The following LRP6 variants were observed in gnomAD, a reference collection of about 807,000 sequenced individuals.
LRP6 encodes the protein low-density lipoprotein receptor-related protein 6.
A neutral mutation model predicts 184.1 loss-of-function variants in LRP6; 43 were observed. The observed-to-expected ratio is 0.23, with a 90% CI of 0.18 to 0.30. LRP6 has a LOEUF of 0.30. Ranked by LOEUF, LRP6 falls within the 10% of genes least tolerant of loss-of-function variation. LRP6 has a pLI of 1.00. For synonymous variants in LRP6, 719 were observed against 684.9 expected, an observed-to-expected ratio of 1.05 and a Z score of -0.78; for missense variants, 1,571 against 2,005.3, an observed-to-expected ratio of 0.78 and a Z score of 4.14.
chr12:12,151,410 G>T lies in LRP6; in HGVS notation c.2792-372C>A, dbSNP rs546641220. Among the ~76,000 whole-genome samples, 11 of 151,594 alleles carry T rather than the reference G, an allele frequency of 7.3e-5. 1 individual carries two copies. In the South Asian group the frequency reaches 2.1e-3, roughly 29 times the overall value. On this transcript the variant is annotated intron_variant, in intron 12 of 22. Transcript: ENST00000261349. ...TGTCTGGTGGGTGGCAGGAAGCCTG[G>T]GCTTTTATAAATTAAAGCAGAAACT...
chr12:12,168,095 C>T (rs1042311083), intron 7 of LRP6, among the ~76,000 whole-genome samples: 2 of 152,090 alleles, frequency 1.3e-5, no homozygotes, highest in African/African-American at 4.8e-5. Context: ...TACACTTTTG[C>T]TGCTCTGCCA....
intron 1 of LRP6, chr12:12,249,285 G>A: frequency 9.2e-7 from 1 of 1,087,344 alleles, no homozygotes; most frequent in Non-Finnish European, 1.4e-6. Context: ...CTAATGGATT[G>A]GTGGACCCAA....
chr12:12,232,502 G>A (rs1864817606), intron 2 of LRP6, among the ~76,000 whole-genome samples: 1 of 150,728 alleles, frequency 6.6e-6, no homozygotes, highest in Non-Finnish European at 1.5e-5. Flanking sequence ...CTCAAGGACA[G>A]CCTCTCTGAA....
chr12:12,180,763 T>C (rs1021648754), intron 6 of LRP6, among the ~76,000 whole-genome samples: 3 of 152,014 alleles, frequency 2.0e-5, no homozygotes, highest in Non-Finnish European at 2.9e-5. Context: ...ACATTTTTCA[T>C]GGTAATGATG....
At position 12,120,723 on chromosome 12, in the gene LRP6, G is replaced by C. The variant is rs115493282; in HGVS notation, c.*403C>G. 3.3e-3 allele frequency: 510 copies of C among 156,346 alleles called. 3 individuals carry two copies. The highest frequency in any genetic ancestry group is 0.012 in the African/African-American group (480 of 41,604). The allele number at this position is 156,346 out of a possible 1,614,324, so 9.7% of individuals were successfully genotyped here. A position where few individuals can be genotyped will look rare whatever the true frequency, so the allele number is the denominator to read the frequency against. On this transcript the variant is annotated 3_prime_UTR_variant, in exon 23 of 23. Coordinates refer to ENST00000261349, the MANE Select transcript of LRP6 (RefSeq NM_002336.3). ...ATCTATGGTTTGCTGCTCTGAGATG[G>C]ACTTAATTTTTCTTCTTCCTCTTTT...
At chr12:12,242,236 G>A (rs1302340972) in intron 2 of LRP6, among the ~76,000 whole-genome samples, 1 of 152,020 alleles carries the variant, frequency 6.6e-6, no homozygotes, top group Non-Finnish European at 1.5e-5. Context: ...GTTACATAAT[G>A]CAAATAAACA....
rs1476810955 is a variant in LRP6, at chr12:12,119,767, C to T, written c.*1359G>A. The T allele has an allele frequency of 6.6e-6, 1 of 151,696 alleles. No homozygotes were observed. The highest frequency in any genetic ancestry group is 1.5e-5 in the Non-Finnish European group (1 of 67,944). The allele number at this position is 151,696 out of a possible 1,614,324, so 9.4% of individuals were successfully genotyped here. A position where few individuals can be genotyped will look rare whatever the true frequency, so the allele number is the denominator to read the frequency against. ...AATTTGTGGATAATTTGAAAACAGC[C>T]TAACATTCACAGTGGGTAACAGAAA... On this transcript the variant is annotated 3_prime_UTR_variant, in exon 23 of 23. Transcript: ENST00000261349.
At chr12:12,170,906 GGTTA>G (rs1402883557) in intron 7 of LRP6, among the ~76,000 whole-genome samples, 2 of 151,742 alleles carry the variant, frequency 1.3e-5, no homozygotes, top group Admixed American at 6.6e-5. Flanking sequence ...CTAGCTAAGA[GGTTA>G]GTTAGAAGGA....
chr12:12,194,327 T>C (rs1459060263), intron 3 of LRP6, among the ~76,000 whole-genome samples: 7 of 152,100 alleles, frequency 4.6e-5, no homozygotes, highest in African/African-American at 1.2e-4. Context: ...CAAGTTACTA[T>C]AAGGCAAACA....
intron 16 of LRP6, among the ~76,000 whole-genome samples, chr12:12,137,774 T>C (rs1949865267): frequency 6.6e-6 from 1 of 152,120 alleles, no homozygotes. Context: ...ATATTCTTTT[T>C]TAACAGGCAA....
At chr12:12,163,993 C>T (rs1293159575) in intron 9 of LRP6, among the ~76,000 whole-genome samples, 2 of 151,932 alleles carry the variant, frequency 1.3e-5, no homozygotes, top group East Asian at 1.9e-4. Context: ...AGCTGGGCGT[C>T]GTGGCACGCA....
intron 7 of LRP6, among the ~76,000 whole-genome samples, chr12:12,169,965 G>A (rs1862987717): frequency 6.6e-6 from 1 of 151,622 alleles, no homozygotes; most frequent in Non-Finnish European, 1.5e-5. Context: ...GCACTGTCCA[G>A]GAGAAATATA....
chr12:12,179,908 C>T lies in LRP6; in HGVS notation c.1447G>A (p.Val483Ile), dbSNP rs7975614. The T allele has an allele frequency of 9.8e-3, 15,826 of 1,613,926 alleles. 1,384 individuals are homozygous for T. The African/African-American group carries it at 0.19, about 19-fold the overall frequency. Residue 483 changes from valine to isoleucine, a missense_variant, in exon 7 of 23, where the codon GTA (valine) becomes ATA (isoleucine). Around this residue, in one of 4 missense-constraint regions of LRP6, gnomAD observed 640 missense variants for 851.9 expected, o/e 0.75. Transcript: ENST00000261349. ...RAALDGSDRV[V>I]LVNTSLGWPN... ...CAACCAAGAGAAGTGTTAACCAATA[C>T]TACACGGTCAGAACCATCCAGAGCT...
In LRP6 at chr12:12,164,605, T is replaced by A. The variant is rs756034865; in HGVS notation, c.1763-43A>T. The A allele has an allele frequency of 6.4e-6, 10 of 1,570,076 alleles. No homozygotes were observed. In the African/African-American group the frequency reaches 1.4e-4, roughly 21 times the overall value. On this transcript the variant is annotated intron_variant, in intron 8 of 22. Coordinates refer to ENST00000261349, the MANE Select transcript of LRP6 (RefSeq NM_002336.3). ...AAAGGGGCACAGAAGGACACACACA[T>A]TGATACATTCAACATATTTTCACTT...
intron 2 of LRP6, among the ~76,000 whole-genome samples, chr12:12,236,222 G>T (rs1476381817): frequency 6.6e-6 from 1 of 151,154 alleles, no homozygotes; most frequent in Non-Finnish European, 1.5e-5. Context: ...GCAAAACTCC[G>T]TCTCAAAATA....
intron 2 of LRP6, among the ~76,000 whole-genome samples, chr12:12,214,924 T>C (rs983574708): frequency 2.6e-5 from 4 of 152,348 alleles, no homozygotes; most frequent in Admixed American, 2.0e-4. Context: ...GACAATAAGA[T>C]GCTAGACAAC....
chr12:12,196,546 T>G (rs1863767122), intron 3 of LRP6, among the ~76,000 whole-genome samples: 1 of 152,204 alleles, frequency 6.6e-6, no homozygotes. Flanking sequence ...TGTGTTGATT[T>G]TGTATCCTGC....
intron 2 of LRP6, among the ~76,000 whole-genome samples, chr12:12,220,702 G>T (rs938718172): frequency 1.3e-5 from 2 of 151,056 alleles, no homozygotes; most frequent in Non-Finnish European, 2.9e-5. Context: ...GGGCTCAAGC[G>T]ATCCTCTCAC....
At position 12,165,210 on chromosome 12, in the gene LRP6, TAGTCACCCA is replaced by T; in HGVS notation, c.1622_1630del (p.Leu541_Asp543del). On this transcript the variant is annotated inframe_deletion, in exon 8 of 23. Transcript: ENST00000261349. ...CCTCTGCCAGTCAGTCCAGTAAACA[TAGTCACCCA>T]ACAAAGTAAATCCAAATATGTGAGG... is the stretch of plus-strand genomic sequence containing the variant. The T allele has an allele frequency of 6.2e-7, 1 of 1,614,072 alleles. No individual in the cohort carries two copies. Among genetic ancestry groups the T allele is most frequent in the Non-Finnish European group, 8.5e-7 (1 of 1,179,964 alleles).
Sources: gnomAD v4.1 joint callset for allele counts (sites outside exome capture counted in the v4.1 genomes callset) on GRCh38, gnomAD v4.1.1 for gene constraint, gnomAD v4.1.1 regional missense constraint, MANE v1.5 for transcripts, NCBI Gene and HGNC (gene_info 2026-07-23, HGNC 2026-07-21) for gene names.